The following STAM2 variants were observed in gnomAD, a reference collection of about 807,000 sequenced individuals.
STAM2 encodes signal transducing adapter molecule 2.
In STAM2, 51 loss-of-function variants were observed where a neutral mutation model predicts 65.6. That is an observed-to-expected ratio of 0.78 (90% confidence interval 0.62 to 0.98). STAM2 has a LOEUF of 0.98. Ranked by LOEUF, STAM2 falls within the 50% of genes least tolerant of loss-of-function variation. The probability of loss-of-function intolerance (pLI) is 0.00; values close to 1 mark genes in which losing one functional copy is unlikely to be tolerated. For synonymous variants in STAM2, 198 were observed against 208.4 expected, an observed-to-expected ratio of 0.95 and a Z score of 0.43; for missense variants, 584 against 617.8, an observed-to-expected ratio of 0.95 and a Z score of 0.58.
intron 1 of STAM2, among the ~76,000 whole-genome samples, chr2:152,156,226 C>CT (rs1434486765): frequency 6.6e-6 from 1 of 152,108 alleles, no homozygotes; most frequent in African/African-American, 2.4e-5. Context: ...TTTGAATACT[C>CT]TATCAAGCAT....
intron 4 of STAM2, 28 bp from the exon 5 acceptor site, chr2:152,147,336 A>T (rs756472102): frequency 1.3e-6 from 2 of 1,514,884 alleles, no homozygotes; most frequent in Non-Finnish European, 1.8e-6. Context: ...AGGAAAATAA[A>T]CAAAAATCTA....
At chr2:152,127,868 C>T (rs1309454035) in intron 11 of STAM2, among the ~76,000 whole-genome samples, 2 of 152,146 alleles carry the variant, frequency 1.3e-5, no homozygotes, top group Non-Finnish European at 1.5e-5. Flanking sequence ...TAAGCAACCA[C>T]TTTTCATCTG....
At chr2:152,174,264 A>G (rs1431797045) in intron 1 of STAM2, among the ~76,000 whole-genome samples, 1 of 152,252 alleles carries the variant, frequency 6.6e-6, no homozygotes. Flanking sequence ...TTATTTCATT[A>G]GAACAGAATC....
intron 5 of STAM2, among the ~76,000 whole-genome samples, chr2:152,146,678 A>G (rs1166151046): frequency 6.6e-6 from 1 of 152,196 alleles, no homozygotes; most frequent in Non-Finnish European, 1.5e-5. Context: ...CTCTAACAAA[A>G]TATTAATACA....
chr2:152,168,059 T>A (rs1689822567), intron 1 of STAM2, among the ~76,000 whole-genome samples: 1 of 151,930 alleles, frequency 6.6e-6, no homozygotes. Flanking sequence ...AAATGATATA[T>A]CCTTAAGTTT....
At chr2:152,139,320 AT>A (rs1304917406) in intron 7 of STAM2, among the ~76,000 whole-genome samples, 1 of 152,232 alleles carries the variant, frequency 6.6e-6, no homozygotes, top group Non-Finnish European at 1.5e-5. Flanking sequence ...TTCAGCTAAC[AT>A]TTATGAAAAC....
At chr2:152,154,517 C>T (rs1360477731) in intron 1 of STAM2, among the ~76,000 whole-genome samples, 3 of 152,136 alleles carry the variant, frequency 2.0e-5, no homozygotes, top group Non-Finnish European at 2.9e-5. Flanking sequence ...ACTTGGGAGG[C>T]TGAGGTAGGA....
chr2:152,129,147 A>AT lies in STAM2; in HGVS notation c.1026-2769dup, dbSNP rs201799004. Among the ~76,000 whole-genome samples the AT allele has an allele frequency of 3.7e-3, 559 of 151,622 alleles. 3 individuals carry two copies. Among genetic ancestry groups the AT allele is most frequent in the Middle Eastern group, 6.8e-3 (2 of 294 alleles). On this transcript the variant is annotated intron_variant, in intron 11 of 13. Transcript: ENST00000263904. The stretch of plus-strand genomic sequence containing the variant: ...AACTAATATCAGAATGGTCACTTTG[A>AT]TTTTTTTTTCTTTTGAGAGCAGATC...
rs202201725 is a variant in STAM2 at position 152,120,551 on chromosome 2, T to C, written c.*23A>G. Reference sequence around the variant, plus strand: ...CTGAATAATACACTTATGAAGGCTTTCAAGAAAATGCTTGATTTGTTTCTA... The same window carrying C: ...CTGAATAATACACTTATGAAGGCTTCCAAGAAAATGCTTGATTTGTTTCTA... On this transcript the variant is annotated 3_prime_UTR_variant, in exon 14 of 14. Transcript: ENST00000263904. 105 of 1,607,852 alleles carry C rather than the reference T, an allele frequency of 6.5e-5. 1 individual carries two copies. The highest frequency in any genetic ancestry group is 2.8e-4 in the Admixed American group (17 of 59,792).
intron 11 of STAM2, 155 bp downstream of exon 11, chr2:152,131,959 C>A: frequency 1.7e-6 from 1 of 572,806 alleles, no homozygotes. Flanking sequence ...ATAAAAAGCA[C>A]CACCTTGCTA....
In STAM2 at chr2:152,149,497, T is replaced by C. The variant is rs1393154655; in HGVS notation, c.125+648A>G. ...AAACTTCACTATTAATAGTCTACTC[T>C]TTTTTTTTTTTTTTTTTTGAGACAG... On this transcript the variant is annotated intron_variant, in intron 2 of 13. Transcript: ENST00000263904. Among the ~76,000 whole-genome samples the C allele has an allele frequency of 4.9e-4, 27 of 54,582 alleles. No individual in the cohort carries two copies. The East Asian group carries it at 0.13, about 265-fold the overall frequency. 35.8% of individuals were successfully genotyped at this position (54,582 alleles called of 152,430 possible).
Position 152,126,221 on chromosome 2 carries a change from C to T in STAM2, c.1179+5G>A. The stretch of plus-strand genomic sequence containing the variant: ...TTAGAAAATGTTCTCAAAAAACATG[C>T]TCACCTGCATTGGAACCCCAGATGA... On this transcript the variant is annotated splice_donor_5th_base_variant and intron_variant, in intron 12 of 13. Transcript: ENST00000263904. The T allele has an allele frequency of 1.3e-6, 2 of 1,562,060 alleles. No individual in the cohort carries two copies. The highest frequency in any genetic ancestry group is 1.7e-6 in the Non-Finnish European group (2 of 1,159,126).
Position 152,132,136 on chromosome 2 carries a change from C to T in STAM2, c.1003G>A (p.Glu335Lys). The T allele has an allele frequency of 6.2e-7, 1 of 1,611,968 alleles. No individual in the cohort carries two copies. The highest frequency in any genetic ancestry group is 8.5e-7 in the Non-Finnish European group (1 of 1,178,692). The part of the protein sequence containing the change: ...ICQQMGPMID[E>K]KLEEIDRKHS... ...CACCTATCAATTTCTTCAAGTTTTT[C>T]ATCTATCATTGGACCCATCTGTTGG... Residue 335 changes from glutamate to lysine, a missense_variant, in exon 11 of 14, where the codon GAA (glutamate) becomes AAA (lysine). Transcript: ENST00000263904.
chr2:152,150,029 T>A, intron 2 of STAM2, 116 bp downstream of exon 2: 1 of 695,456 alleles, frequency 1.4e-6, no homozygotes, highest in South Asian at 1.9e-5. Flanking sequence ...TTTAAATCTG[T>A]GTTGTTCAAG....
rs58778946 is a variant in STAM2 at position 152,120,395 on chromosome 2, G to GAAA, written c.*176_*178dup. On this transcript the variant is annotated 3_prime_UTR_variant, in exon 14 of 14. Transcript: ENST00000263904. Reference sequence around the variant, plus strand: ...AGATTGACTTCAAACAAACTGGACTGAAAAAAAAAAAAAAAAAAAACCTTT... The same window carrying GAAA: ...AGATTGACTTCAAACAAACTGGACTGAAAAAAAAAAAAAAAAAAAAAAACCTTT... The GAAA allele has an allele frequency of 2.3e-3, 696 of 304,620 alleles. No individual in the cohort carries two copies. The highest frequency in any genetic ancestry group is 3.1e-3 in the South Asian group (75 of 24,554). 18.9% of individuals were successfully genotyped at this position (304,620 alleles called of 1,614,324 possible).
At position 152,147,315 on chromosome 2, in the gene STAM2, AG is replaced by A. The variant is rs1403377863; in HGVS notation, c.301-8del. ...CACATACTTTAGGATGTGCCTTTTA[AG>A]GAAAAGGAAAGGAAAATAAACAAAA... On this transcript the variant is annotated splice_polypyrimidine_tract_variant and splice_region_variant and intron_variant, in intron 4 of 13. Coordinates refer to ENST00000263904, the MANE Select transcript of STAM2 (RefSeq NM_005843.6). 1.3e-6 allele frequency: 2 copies of A among 1,526,342 alleles called. No homozygotes were observed. The highest frequency in any genetic ancestry group is 1.7e-6 in the Non-Finnish European group (2 of 1,144,792). 94.5% of individuals were successfully genotyped at this position (1,526,342 alleles called of 1,614,324 possible). A position where few individuals can be genotyped will look rare whatever the true frequency, so the allele number is the denominator to read the frequency against.
chr2:152,136,805 C>A (rs1429534228), intron 7 of STAM2, among the ~76,000 whole-genome samples: 2 of 152,068 alleles, frequency 1.3e-5, no homozygotes, highest in African/African-American at 4.8e-5. Context: ...TAATGATCAT[C>A]CTAGACTTGA....
intron 11 of STAM2, among the ~76,000 whole-genome samples, chr2:152,127,442 A>G (rs1293117224): frequency 6.6e-6 from 1 of 152,188 alleles, no homozygotes; most frequent in Non-Finnish European, 1.5e-5. Context: ...TTTGGGTAAG[A>G]ATCTGGGCCT....
intron 7 of STAM2, among the ~76,000 whole-genome samples, chr2:152,137,565 C>T (rs1330735427): frequency 6.6e-6 from 1 of 152,146 alleles, no homozygotes; most frequent in African/African-American, 2.4e-5. Context: ...TAGGCTGTCG[C>T]TGTCTTTTCA....
Sources: allele counts gnomAD v4.1 joint callset (sites outside exome capture counted in the v4.1 genomes callset), GRCh38; gene constraint gnomAD v4.1.1; transcripts MANE v1.5; gene names NCBI Gene and HGNC (gene_info 2026-07-23, HGNC 2026-07-21).